Variants in CYP4X1 observed in about 807,000 individuals in gnomAD.
The protein encoded by CYP4X1 is cytochrome P450 family 4 subfamily X member 1, also known as cytochrome P450 4X1.
In CYP4X1, 44 loss-of-function variants were observed where a neutral mutation model predicts 57.9. The ratio of observed to expected loss-of-function variants is 0.76; its 90% CI spans 0.60 to 0.98. The LOEUF (loss-of-function observed/expected upper bound fraction) is 0.98, where lower values mean the gene tolerates loss of function less well. Among genes scored for constraint, CYP4X1 ranks in the 50% least tolerant of loss-of-function variants. The probability of loss-of-function intolerance (pLI) is 0.00; values close to 1 mark genes in which losing one functional copy is unlikely to be tolerated. For missense variants in CYP4X1, 532 were observed against 623.9 expected, an observed-to-expected ratio of 0.85 and a Z score of 1.57; for synonymous variants, 227 against 228.6, an observed-to-expected ratio of 0.99 and a Z score of 0.06.
upstream of CYP4X1, among the ~76,000 whole-genome samples, chr1:47,019,321 T>C (rs1335746848): frequency 6.6e-6 from 1 of 152,142 alleles, no homozygotes; most frequent in Admixed American, 6.5e-5. Flanking sequence ...ATAAACTTGT[T>C]TGTGGAGGTC....
At chr1:46,989,124 T>C in the CYP4X1 span, among the ~76,000 whole-genome samples, 1 of 152,178 alleles carries the variant, frequency 6.6e-6, no homozygotes. Context: ...TGTTTGCAGA[T>C]GACATGATTG....
intron 8 of CYP4X1, among the ~76,000 whole-genome samples, chr1:47,043,713 T>C (rs1170204767): frequency 6.6e-6 from 1 of 152,208 alleles, no homozygotes; most frequent in Non-Finnish European, 1.5e-5. Context: ...GGCTTGCCAA[T>C]TATCCCAGTA....
the CYP4X1 span, among the ~76,000 whole-genome samples, chr1:47,002,767 C>T: frequency 4.9e-3 from 749 of 152,248 alleles, 12 homozygotes; most frequent in East Asian, 0.047. Context: ...TCCTCAAACA[C>T]GGTTTATTGT....
At chr1:47,016,837 C>T in the CYP4X1 span, among the ~76,000 whole-genome samples, 3 of 152,112 alleles carry the variant, frequency 2.0e-5, no homozygotes, top group African/African-American at 4.8e-5. Context: ...AGGTCTTATT[C>T]GTTCTTCCTA....
At chr1:47,039,048 G>A (rs1167407431) in intron 7 of CYP4X1, among the ~76,000 whole-genome samples, 2 of 152,228 alleles carry the variant, frequency 1.3e-5, no homozygotes, top group East Asian at 3.9e-4. Context: ...TGGTCACATG[G>A]ATAAACGTAA....
Position 47,050,174 on chromosome 1 carries a change from G to T in CYP4X1, c.1530G>T (p.Ter510TyrextTer7), listed in dbSNP as rs201101620. ...YLHLKKLSEC[*>Y] Reference sequence around the variant, plus strand: ...ACCTGAAGAAACTCTCTGAATGTTAGATCTCAGGGTACAATGATTAAACGT... The same window carrying T: ...ACCTGAAGAAACTCTCTGAATGTTATATCTCAGGGTACAATGATTAAACGT... The change falls in exon 12 of 12, where the codon TAG becomes TAT. Residue 510 changes from the stop codon to tyrosine (Y), a stop_lost. Coordinates refer to ENST00000371901, the MANE Select transcript of CYP4X1 (RefSeq NM_178033.2). 6.2e-7 allele frequency: 1 copy of T among 1,613,708 alleles called. No individual in the cohort carries two copies. Among genetic ancestry groups the T allele is most frequent in the Admixed American group, 1.7e-5 (1 of 59,958 alleles).
At chr1:47,021,476 C>G (rs1354959827), upstream of CYP4X1, among the ~76,000 whole-genome samples, 1 of 152,096 alleles carries the variant, frequency 6.6e-6, no homozygotes, top group East Asian at 1.9e-4. Flanking sequence ...TAATTATCCC[C>G]CTCTAGGCTA....
the CYP4X1 span, among the ~76,000 whole-genome samples, chr1:47,014,413 C>G: frequency 6.6e-6 from 1 of 152,146 alleles, no homozygotes; most frequent in African/African-American, 2.4e-5. Context: ...CCTTAACCTT[C>G]TTTCACTCTC....
chr1:47,050,065 A>G lies in CYP4X1; in HGVS notation c.1421A>G (p.His474Arg), dbSNP rs936610660. The G allele has an allele frequency of 1.2e-6, 2 of 1,613,846 alleles. No individual in the cohort carries two copies. Among genetic ancestry groups the G allele is most frequent in the Non-Finnish European group, 1.7e-6 (2 of 1,180,002 alleles). ...LKVTIALILL[H>R]FRVTPDPTRP... Reference sequence around the variant, plus strand: ...GTAACCATTGCCTTGATTCTGCTCCACTTCAGAGTGACTCCAGACCCCACC... The same window carrying G: ...GTAACCATTGCCTTGATTCTGCTCCGCTTCAGAGTGACTCCAGACCCCACC... Residue 474 changes from histidine to arginine, a missense_variant, in exon 12 of 12, where the codon CAC becomes CGC. Transcript: ENST00000371901.
the CYP4X1 span, among the ~76,000 whole-genome samples, chr1:46,973,127 G>A: frequency 3.3e-5 from 5 of 151,772 alleles, no homozygotes; most frequent in Admixed American, 1.3e-4. Flanking sequence ...GTCTGTTGAG[G>A]GTTTAACATG....
At chr1:46,992,415 T>G in the CYP4X1 span, among the ~76,000 whole-genome samples, 30 of 152,352 alleles carry the variant, frequency 2.0e-4, no homozygotes, top group East Asian at 5.0e-3. Context: ...TTCCCCAGTC[T>G]GACTTCCCCC....
chr1:46,998,736 G>T, the CYP4X1 span, among the ~76,000 whole-genome samples: 1 of 149,040 alleles, frequency 6.7e-6, no homozygotes, highest in Admixed American at 6.8e-5. Context: ...AATCCATCTT[G>T]AGTGAATTTT....
At chr1:47,030,846 C>A (rs1644116936) in intron 2 of CYP4X1, among the ~76,000 whole-genome samples, 1 of 152,114 alleles carries the variant, frequency 6.6e-6, no homozygotes, top group African/African-American at 2.4e-5. Flanking sequence ...TCCAGTCCCC[C>A]TGCTCTGATT....
At chr1:46,961,370 C>T in the CYP4X1 span, among the ~76,000 whole-genome samples, 1 of 152,156 alleles carries the variant, frequency 6.6e-6, no homozygotes, top group African/African-American at 2.4e-5. Context: ...TCCTAAGTGG[C>T]CTTGGCCTTC....
In CYP4X1 at chr1:47,046,432, G is replaced by A. The variant is rs778891378; in HGVS notation, c.1074-35G>A. On this transcript the variant is annotated intron_variant, in intron 8 of 11. Coordinates refer to ENST00000371901, the MANE Select transcript of CYP4X1 (RefSeq NM_178033.2). ...AACAGAAAAAAAGTAAACTGGTTATGATATCTGAGTCCCTTCCCTCCCTCA... is the reference window on the plus strand; with the variant it reads ...AACAGAAAAAAAGTAAACTGGTTATAATATCTGAGTCCCTTCCCTCCCTCA... The A allele has an allele frequency of 3.1e-6, 5 of 1,611,486 alleles. No individual in the cohort carries two copies. In the Admixed American group the frequency reaches 5.0e-5, roughly 16 times the overall value.
At position 47,041,278 on chromosome 1, in the gene CYP4X1, C is replaced by T. The variant is rs554330234; in HGVS notation, c.1073+1746C>T. Among the ~76,000 whole-genome samples the T allele has an allele frequency of 9.9e-5, 15 of 152,240 alleles. No homozygotes were observed. The South Asian group carries it at 3.1e-3, about 32-fold the overall frequency. ...TGGGAATGTAGATGTCTCTTCAATGCACTGATTTCATTTCGTTTGGTTGTA... is the reference window on the plus strand; with the variant it reads ...TGGGAATGTAGATGTCTCTTCAATGTACTGATTTCATTTCGTTTGGTTGTA... On this transcript the variant is annotated intron_variant, in intron 8 of 11. Transcript: ENST00000371901.
At chr1:46,993,179 G>C in the CYP4X1 span, among the ~76,000 whole-genome samples, 1 of 148,122 alleles carries the variant, frequency 6.8e-6, no homozygotes, top group Admixed American at 6.9e-5. Context: ...GAGAACATGC[G>C]GTGTTTGGTT....
At chr1:47,033,449 A>G in intron 4 of CYP4X1, 81 bp downstream of exon 4, 3 of 1,519,826 alleles carry the variant, frequency 2.0e-6, no homozygotes, top group Non-Finnish European at 8.8e-7. Context: ...TTTGTGGGCC[A>G]TGAAAATAAA....
At chr1:47,035,116 G>A (rs931373464) in intron 4 of CYP4X1, among the ~76,000 whole-genome samples, 13 of 150,176 alleles carry the variant, frequency 8.7e-5, no homozygotes, top group African/African-American at 2.9e-4. Flanking sequence ...AAGACCTATC[G>A]GTCGACCTGA....
Sources: allele counts gnomAD v4.1 joint callset (sites outside exome capture counted in the v4.1 genomes callset), GRCh38; gene constraint gnomAD v4.1.1; transcripts MANE v1.5; gene names NCBI Gene and HGNC (gene_info 2026-07-23, HGNC 2026-07-21).